The following ZNF678 variants were observed in gnomAD, a reference collection of about 807,000 sequenced individuals.
ZNF678 encodes hypothetical protein MGC42493.
A neutral mutation model predicts 3.0 loss-of-function variants in ZNF678; 5 were observed. That is an observed-to-expected ratio of 1.69 (90% CI 0.88 to 3.56). The LOEUF is 3.56. Ranked by LOEUF, ZNF678 falls within the 30% of genes most tolerant of loss-of-function variation. ZNF678 has a pLI of 0.00. For missense variants in ZNF678, 593 were observed against 605.0 expected, an observed-to-expected ratio of 0.98 and a Z score of 0.21; for synonymous variants, 218 against 199.6, an observed-to-expected ratio of 1.09 and a Z score of -0.78.
At chr1:227,578,084 A>G (rs1178767103) in intron 1 of ZNF678, among the ~76,000 whole-genome samples, 1 of 152,130 alleles carries the variant, frequency 6.6e-6, no homozygotes, top group African/African-American at 2.4e-5. Context: ...TCCGGCTTTT[A>G]AGGTTTCCGT....
At chr1:227,630,872 T>C (rs1389701635) in intron 1 of ZNF678, among the ~76,000 whole-genome samples, 1 of 152,134 alleles carries the variant, frequency 6.6e-6, no homozygotes, top group Non-Finnish European at 1.5e-5. Flanking sequence ...TTTTACATAA[T>C]TGTGAGTTGT....
At position 227,631,250 on chromosome 1, in the gene ZNF678, A is replaced by G. The variant is rs148336054; in HGVS notation, c.-163-15294A>G. Reference sequence around the variant, plus strand: ...ATGCTTATTCATTTCCAGGGTGCGTAACCACCCATGGACCTCTGCTTATCG... The same window carrying G: ...ATGCTTATTCATTTCCAGGGTGCGTGACCACCCATGGACCTCTGCTTATCG... On this transcript the variant is annotated intron_variant, in intron 1 of 3. Coordinates refer to ENST00000343776, the MANE Select transcript of ZNF678 (RefSeq NM_001367909.1). 9.2e-5 allele frequency among the ~76,000 whole-genome samples: 14 copies of G among 152,258 alleles called. No individual in the cohort carries two copies. The East Asian group carries it at 2.5e-3, about 27-fold the overall frequency.
rs1463817917 is a variant in ZNF678, at chr1:227,613,714, T to C, written c.-163-32830T>C. 3.3e-5 allele frequency among the ~76,000 whole-genome samples: 5 copies of C among 152,198 alleles called. No homozygotes were observed. The East Asian group carries it at 9.6e-4, about 29-fold the overall frequency. On this transcript the variant is annotated intron_variant, in intron 1 of 3. Coordinates refer to ENST00000343776, the MANE Select transcript of ZNF678 (RefSeq NM_001367909.1). ...GCACTTCTCATTCAGGGCCTCATCT[T>C]TGATAGCCTGTGCAAACCCCTCCCA... is the stretch of plus-strand genomic sequence containing the variant.
In ZNF678 at chr1:227,595,837, G is replaced by A. The variant is rs1050073767; in HGVS notation, c.-164+32113G>A. On this transcript the variant is annotated intron_variant, in intron 1 of 3. Coordinates refer to ENST00000343776, the MANE Select transcript of ZNF678 (RefSeq NM_001367909.1). The stretch of plus-strand genomic sequence containing the variant: ...GGCACACCGTGGGTGATCAGGCCAC[G>A]CTTCCACTCAAATGGAGTAGGCAAG... Among the ~76,000 whole-genome samples the A allele has an allele frequency of 4.6e-5, 7 of 152,162 alleles. No homozygotes were observed. In the South Asian group the frequency reaches 6.2e-4, roughly 13 times the overall value.
intron 1 of ZNF678, among the ~76,000 whole-genome samples, chr1:227,637,524 G>T (rs767216442): frequency 6.6e-6 from 1 of 152,156 alleles, no homozygotes; most frequent in Non-Finnish European, 1.5e-5. Context: ...CAACCTGGAG[G>T]GTGAGTCCCT....
At chr1:227,669,819 T>C (rs1198871478) in intron 5 of ZNF678, among the ~76,000 whole-genome samples, 1 of 152,006 alleles carries the variant, frequency 6.6e-6, no homozygotes, top group Non-Finnish European at 1.5e-5. Context: ...TAAAACAGAG[T>C]TACCATTTGA....
At chr1:227,579,898 T>A (rs1384746544) in intron 1 of ZNF678, among the ~76,000 whole-genome samples, 1 of 152,166 alleles carries the variant, frequency 6.6e-6, no homozygotes, top group Non-Finnish European at 1.5e-5. Flanking sequence ...GTTGGCCAAG[T>A]CCACACTTCA....
intron 2 of ZNF678, among the ~76,000 whole-genome samples, chr1:227,647,926 C>G (rs1658996977): frequency 6.6e-6 from 1 of 152,118 alleles, no homozygotes; most frequent in Admixed American, 6.6e-5. Context: ...TCAGAAATCC[C>G]AGGAACACCA....
chr1:227,673,145 T>C (rs1357172091), intron 5 of ZNF678, among the ~76,000 whole-genome samples: 1 of 152,164 alleles, frequency 6.6e-6, no homozygotes, highest in African/African-American at 2.4e-5. Context: ...CAGCAGGTGG[T>C]CACACTCCAC....
At chr1:227,579,778 G>A (rs1657079735) in intron 1 of ZNF678, among the ~76,000 whole-genome samples, 1 of 152,196 alleles carries the variant, frequency 6.6e-6, no homozygotes, top group Non-Finnish European at 1.5e-5. Flanking sequence ...GGGATGCTCA[G>A]GTCAGACCAG....
In ZNF678 at chr1:227,621,490, C is replaced by A. The variant is rs577914084; in HGVS notation, c.-163-25054C>A. ...TATGTCTCCTTAGATACACAGGCAG[C>A]TTTCTTTTGATGCCCACCTGTGTCT... On this transcript the variant is annotated intron_variant, in intron 1 of 3. Transcript: ENST00000343776. Among the ~76,000 whole-genome samples, 4 of 152,240 alleles carry A rather than the reference C, an allele frequency of 2.6e-5. No individual in the cohort carries two copies. In the South Asian group the frequency reaches 8.3e-4, roughly 32 times the overall value.
intron 1 of ZNF678, among the ~76,000 whole-genome samples, chr1:227,637,613 G>T (rs1056798836): frequency 7.2e-5 from 11 of 152,150 alleles, no homozygotes; most frequent in Non-Finnish European, 1.6e-4. Context: ...AGGTCTGGGA[G>T]AGTGAGGACG....
intron 1 of ZNF678, among the ~76,000 whole-genome samples, chr1:227,573,716 T>C (rs1467909142): frequency 6.6e-6 from 1 of 152,214 alleles, no homozygotes; most frequent in Non-Finnish European, 1.5e-5. Flanking sequence ...TGCAGGTTTG[T>C]TACATAGGTA....
At chr1:227,610,561 A>G (rs1236613976) in intron 1 of ZNF678, among the ~76,000 whole-genome samples, 1 of 152,100 alleles carries the variant, frequency 6.6e-6, no homozygotes, top group African/African-American at 2.4e-5. Flanking sequence ...CCTTTAGAAT[A>G]CCTGCCAGGG....
intron 1 of ZNF678, among the ~76,000 whole-genome samples, chr1:227,618,167 C>G (rs1465225928): frequency 1.3e-5 from 2 of 152,214 alleles, no homozygotes; most frequent in African/African-American, 4.8e-5. Flanking sequence ...TCTTGCCAAA[C>G]TGCTTAAGCA....
chr1:227,627,193 A>G (rs1571897337), intron 1 of ZNF678, among the ~76,000 whole-genome samples: 1 of 151,590 alleles, frequency 6.6e-6, no homozygotes, highest in Non-Finnish European at 1.5e-5. Context: ...TGGCCATCTG[A>G]TGGGTGCTAT....
At position 227,644,853 on chromosome 1, in the gene ZNF678, G is replaced by T. The variant is rs1658916112; in HGVS notation, c.-163-1691G>T. ...TCTGTTGGTCTGGGTAAGAACATCG[G>T]TGTTGTTTTAGTTTAGTACCCCATG... On this transcript the variant is annotated intron_variant, in intron 1 of 3. Coordinates refer to ENST00000343776, the MANE Select transcript of ZNF678 (RefSeq NM_001367909.1). Among the ~76,000 whole-genome samples the T allele has an allele frequency of 5.9e-5, 9 of 152,156 alleles. No homozygotes were observed. In the South Asian group the frequency reaches 1.9e-3, roughly 31 times the overall value.
intron 1 of ZNF678, among the ~76,000 whole-genome samples, chr1:227,616,496 C>A (rs1008087519): frequency 2.0e-5 from 3 of 152,174 alleles, no homozygotes; most frequent in Non-Finnish European, 2.9e-5. Context: ...GGAAATAAAT[C>A]TGACTGAACT....
In ZNF678 at chr1:227,655,105, A is replaced by C. The variant is rs1659196359; in HGVS notation, c.855A>C (p.Arg285Ser). Residue 285 changes from arginine to serine, a missense_variant, in exon 4 of 4, where the codon AGA (arginine) becomes AGC (serine). By Grantham distance (110) the Arg-to-Ser change is moderately radical. Coordinates refer to ENST00000343776, the MANE Select transcript of ZNF678 (RefSeq NM_001367909.1). ...NECSHLTRHRRIHTGEKPYKC... is the reference protein window; with the variant it reads ...NECSHLTRHRSIHTGEKPYKC... ...GCTCACACCTAACTAGACATAGGAG[A>C]ATTCATACTGGAGAGAAACCCTACA... 3 of 1,613,086 alleles carry C rather than the reference A, an allele frequency of 1.9e-6. No individual in the cohort carries two copies. Among genetic ancestry groups the C allele is most frequent in the Non-Finnish European group, 2.5e-6 (3 of 1,179,638 alleles).
Sources: allele counts gnomAD v4.1 joint callset (sites outside exome capture counted in the v4.1 genomes callset), GRCh38; gene constraint gnomAD v4.1.1; transcripts MANE v1.5; gene names NCBI Gene and HGNC (gene_info 2026-07-23, HGNC 2026-07-21).